The following SEMA3A variants were observed in gnomAD, a reference collection of about 807,000 sequenced individuals.
The protein encoded by SEMA3A is semaphorin 3A, also known as semaphorin-3A.
SEMA3A carries 29 observed loss-of-function variants against 97.9 expected under a neutral mutation model. The observed-to-expected ratio is 0.30, with a 90% CI of 0.22 to 0.40. SEMA3A has a LOEUF of 0.40. Among genes scored for constraint, SEMA3A ranks in the 10% least tolerant of loss-of-function variants. The pLI is 1.00. For missense variants in SEMA3A, 763 were observed against 951.3 expected, an observed-to-expected ratio of 0.80 and a Z score of 2.60; for synonymous variants, 321 against 323.7, an observed-to-expected ratio of 0.99 and a Z score of 0.09.
chr7:84,159,584 T>C (rs556628450), intron 1 of SEMA3A, among the ~76,000 whole-genome samples: 3 of 152,242 alleles, frequency 2.0e-5, no homozygotes, highest in Admixed American at 1.3e-4. Flanking sequence ...AACATAGTAA[T>C]TGTGGGGGAA....
chr7:84,311,282 A>G (rs932525898), intron 2 of SEMA3A, among the ~76,000 whole-genome samples: 1 of 151,944 alleles, frequency 6.6e-6, no homozygotes, highest in Non-Finnish European at 1.5e-5. Context: ...AGTGCCCTTC[A>G]GGGAGTTACA....
Position 84,127,346 on chromosome 7 carries a change from C to T in SEMA3A, c.333+1777G>A. On this transcript the variant is annotated intron_variant, in intron 3 of 16. Coordinates refer to ENST00000265362, the MANE Select transcript of SEMA3A (RefSeq NM_006080.3). ...TAATCCTGCCTAATCAATTTATCCACAATTCCCATTACTCCGATGTTTCCT... is the reference window on the plus strand; with the variant it reads ...TAATCCTGCCTAATCAATTTATCCATAATTCCCATTACTCCGATGTTTCCT... Among the ~76,000 whole-genome samples, 2 of 152,178 alleles carry T rather than the reference C, an allele frequency of 1.3e-5. 1 individual carries two copies. The highest frequency in any genetic ancestry group is 4.1e-4 in the South Asian group (2 of 4,820).
At chr7:84,378,629 G>A (rs988539915) in intron 1 of SEMA3A, among the ~76,000 whole-genome samples, 3 of 152,056 alleles carry the variant, frequency 2.0e-5, no homozygotes, top group African/African-American at 7.2e-5. Flanking sequence ...GATGGGTGCA[G>A]CAAACCACCA....
intron 3 of SEMA3A, among the ~76,000 whole-genome samples, chr7:84,215,424 A>G (rs896509250): frequency 4.9e-5 from 4 of 81,102 alleles, no homozygotes; most frequent in African/African-American, 2.1e-4. Context: ...CTGACCTTAG[A>G]TGATCCGCCC....
intron 1 of SEMA3A, among the ~76,000 whole-genome samples, chr7:84,182,473 C>T (rs1037436937): frequency 6.6e-6 from 1 of 152,092 alleles, no homozygotes; most frequent in Non-Finnish European, 1.5e-5. Context: ...ATGTTGAGAA[C>T]ATAAATTGGA....
chr7:84,345,919 A>G (rs754894540), intron 2 of SEMA3A, among the ~76,000 whole-genome samples: 1 of 152,200 alleles, frequency 6.6e-6, no homozygotes, highest in Non-Finnish European at 1.5e-5. Flanking sequence ...CCAGGCATCG[A>G]CATTTCTCCA....
chr7:84,236,771 A>G (rs145331493), intron 3 of SEMA3A, among the ~76,000 whole-genome samples: 52 of 152,274 alleles, frequency 3.4e-4, no homozygotes, highest in African/African-American at 1.3e-3. Context: ...CAAGTGTGTT[A>G]TCTTCCAATA....
At chr7:84,090,153 G>A (rs547973207) in intron 4 of SEMA3A, among the ~76,000 whole-genome samples, 23 of 152,162 alleles carry the variant, frequency 1.5e-4, no homozygotes, top group Admixed American at 3.3e-4. Flanking sequence ...TGTTGCAGTG[G>A]AGGAGTAATT....
At chr7:84,091,939 GA>G (rs1794615717) in intron 4 of SEMA3A, among the ~76,000 whole-genome samples, 1 of 152,040 alleles carries the variant, frequency 6.6e-6, no homozygotes, top group Non-Finnish European at 1.5e-5. Flanking sequence ...TTTCCTAACA[GA>G]TATGCAGGTT....
rs138634183 is a variant in SEMA3A, at chr7:83,968,046, C to T, written c.1718-4699G>A. On this transcript the variant is annotated intron_variant, in intron 15 of 16. Transcript: ENST00000265362. ...TTCTTTATTAAAGCAAACAGCCGTA[C>T]ATATAAATGGCAGCACAGTATAGCT... 7.8e-3 allele frequency among the ~76,000 whole-genome samples: 1,184 copies of T among 152,270 alleles called. 19 individuals are homozygous for T. Among genetic ancestry groups the T allele is most frequent in the African/African-American group, 0.027 (1,104 of 41,558 alleles).
intron 6 of SEMA3A, among the ~76,000 whole-genome samples, chr7:84,015,988 A>G (rs1410483306): frequency 6.6e-6 from 1 of 152,136 alleles, no homozygotes; most frequent in African/African-American, 2.4e-5. Context: ...CCATACAATA[A>G]TACAATACTC....
chr7:84,290,749 A>G (rs1304770404), intron 3 of SEMA3A, among the ~76,000 whole-genome samples: 1 of 152,130 alleles, frequency 6.6e-6, no homozygotes, highest in Non-Finnish European at 1.5e-5. Context: ...ACTTCAAGTA[A>G]ATATGTTACC....
chr7:84,067,397 G>A (rs1583909871), intron 4 of SEMA3A, among the ~76,000 whole-genome samples: 1 of 152,062 alleles, frequency 6.6e-6, no homozygotes, highest in Non-Finnish European at 1.5e-5. Flanking sequence ...AAAAGCCATG[G>A]CAACAAAAGC....
intron 3 of SEMA3A, among the ~76,000 whole-genome samples, chr7:84,265,595 T>C (rs941669149): frequency 2.0e-5 from 3 of 150,074 alleles, no homozygotes; most frequent in East Asian, 1.9e-4. Flanking sequence ...ATTTGAGAGC[T>C]ATAATACCCC....
intron 1 of SEMA3A, among the ~76,000 whole-genome samples, chr7:84,455,613 T>A (rs1278446190): frequency 1.3e-5 from 2 of 151,842 alleles, no homozygotes; most frequent in Non-Finnish European, 1.5e-5. Flanking sequence ...TTTTTCAGAG[T>A]GATAATTTCT....
intron 2 of SEMA3A, among the ~76,000 whole-genome samples, chr7:84,364,996 T>A (rs1426308894): frequency 6.6e-6 from 1 of 151,506 alleles, no homozygotes; most frequent in Non-Finnish European, 1.5e-5. Context: ...TTCCCAGCTG[T>A]CCAGCAATAG....
chr7:84,391,735 G>T (rs1288219216), intron 1 of SEMA3A, among the ~76,000 whole-genome samples: 1 of 152,086 alleles, frequency 6.6e-6, no homozygotes, highest in Non-Finnish European at 1.5e-5. Flanking sequence ...ACTTTGGGAG[G>T]TCAAGGTGGG....
At chr7:84,056,129 C>T (rs957242485) in intron 5 of SEMA3A, among the ~76,000 whole-genome samples, 5 of 149,936 alleles carry the variant, frequency 3.3e-5, no homozygotes, top group Admixed American at 3.3e-4. Context: ...AACTGTCAAA[C>T]ACAAAAGTTA....
intron 2 of SEMA3A, among the ~76,000 whole-genome samples, chr7:84,354,020 G>C (rs918809448): frequency 6.6e-6 from 1 of 151,472 alleles, no homozygotes; most frequent in African/African-American, 2.4e-5. Context: ...TATACTGTAA[G>C]CTTAATGTAC....
Sources: allele counts gnomAD v4.1 joint callset (sites outside exome capture counted in the v4.1 genomes callset), GRCh38; gene constraint gnomAD v4.1.1; transcripts MANE v1.5; gene names NCBI Gene and HGNC (gene_info 2026-07-23, HGNC 2026-07-21).